The following NT5DC1 variants were observed in gnomAD, a reference collection of about 807,000 sequenced individuals.
The protein encoded by NT5DC1 is 5'-nucleotidase domain-containing protein 1.
Under a neutral mutation model 59.4 loss-of-function variants are expected in NT5DC1, and 42 were observed. The ratio of observed to expected loss-of-function variants is 0.71; its 90% confidence interval spans 0.55 to 0.92. The LOEUF is 0.92. Among genes scored for constraint, NT5DC1 ranks in the 40% least tolerant of loss-of-function variants. The pLI is 0.00. For missense variants in NT5DC1, 501 were observed against 537.1 expected (o/e 0.93, Z 0.66); for synonymous variants, 172 against 188.1 (o/e 0.91, Z 0.70).
intron 11 of NT5DC1, among the ~76,000 whole-genome samples, chr6:116,243,416 TTG>T (rs1771775298): frequency 6.6e-6 from 1 of 152,004 alleles, no homozygotes; most frequent in Admixed American, 6.5e-5. Context: ...TAAATGTGAT[TTG>T]ACTTAAACAT....
intron 6 of NT5DC1, among the ~76,000 whole-genome samples, chr6:116,149,155 C>G (rs1452223616): frequency 1.3e-5 from 2 of 152,074 alleles, no homozygotes; most frequent in Non-Finnish European, 2.9e-5. Flanking sequence ...CCTGGCAGGA[C>G]ATTTTGGAGT....
intron 6 of NT5DC1, among the ~76,000 whole-genome samples, chr6:116,140,322 C>CA (rs1463460561): frequency 6.6e-6 from 1 of 152,142 alleles, no homozygotes; most frequent in Non-Finnish European, 1.5e-5. Context: ...TATACTTTCT[C>CA]AGAGTGGGAG....
intron 4 of NT5DC1, among the ~76,000 whole-genome samples, chr6:116,114,400 A>G (rs1778927484): frequency 6.6e-6 from 1 of 151,878 alleles, no homozygotes; most frequent in South Asian, 2.1e-4. Context: ...CTATTTGCTT[A>G]TTGGATTACT....
Position 116,246,181 on chromosome 6 carries a change from A to G in NT5DC1, c.*2157A>G, listed in dbSNP as rs1291252738. On this transcript the variant is annotated 3_prime_UTR_variant, in exon 12 of 12. Coordinates refer to ENST00000319550, the MANE Select transcript of NT5DC1 (RefSeq NM_152729.3). ...TATAAATGGACAGAAGACATGTAAT[A>G]TTCGCATACAGGCAAACATTCATAA... The G allele has an allele frequency of 6.6e-6, 1 of 152,176 alleles. No individual in the cohort carries two copies. The highest frequency in any genetic ancestry group is 1.5e-5 in the Non-Finnish European group (1 of 67,982). The allele number at this position is 152,176 out of a possible 1,614,324, so 9.4% of individuals were successfully genotyped here. A position where few individuals can be genotyped will look rare whatever the true frequency, so the allele number is the denominator to read the frequency against.
intron 6 of NT5DC1, among the ~76,000 whole-genome samples, chr6:116,190,283 T>C (rs1781088596): frequency 6.6e-6 from 1 of 152,048 alleles, no homozygotes; most frequent in Non-Finnish European, 1.5e-5. Context: ...CTTTTATCAA[T>C]ATATGAAATA....
Position 116,117,645 on chromosome 6 carries a change from ATACTG to A in NT5DC1, c.445-210_445-206del, listed in dbSNP as rs1186422215. Among the ~76,000 whole-genome samples, 20 of 152,330 alleles carry A rather than the reference ATACTG, an allele frequency of 1.3e-4. No homozygotes were observed. The East Asian group carries it at 3.5e-3, about 26-fold the overall frequency. ...TTGAATAGCTCATGTAATTTATTGAATACTGTACTGAAAGTGAAAAACAATTGTTG... is the reference window on the plus strand; with the variant it reads ...TTGAATAGCTCATGTAATTTATTGAATACTGAAAGTGAAAAACAATTGTTG... On this transcript the variant is annotated intron_variant, in intron 5 of 11. Coordinates refer to ENST00000319550, the MANE Select transcript of NT5DC1 (RefSeq NM_152729.3).
Position 116,249,193 on chromosome 6 carries a change from C to T in NT5DC1, c.*5169C>T, listed in dbSNP as rs1771901222. On this transcript the variant is annotated 3_prime_UTR_variant, in exon 12 of 12. Coordinates refer to ENST00000319550, the MANE Select transcript of NT5DC1 (RefSeq NM_152729.3). ...ACCTAGCTCTCTAATACTTAAAGTT[C>T]TCTAGCCCTAGAAAAAAATACCTCA... The T allele has an allele frequency of 6.6e-6, 1 of 152,104 alleles. No homozygotes were observed. Among genetic ancestry groups the T allele is most frequent in the African/African-American group, 2.4e-5 (1 of 41,422 alleles). 9.4% of individuals were successfully genotyped at this position (152,104 alleles called of 1,614,324 possible).
Position 116,246,148 on chromosome 6 carries a change from A to C in NT5DC1, c.*2124A>C, listed in dbSNP as rs1771842754. ...ATATTAAAGAAGTTATATGAAGCAA[A>C]AAAATTGTATAAATGGACAGAAGAC... On this transcript the variant is annotated 3_prime_UTR_variant, in exon 12 of 12. Coordinates refer to ENST00000319550, the MANE Select transcript of NT5DC1 (RefSeq NM_152729.3). The C allele has an allele frequency of 2.0e-5, 3 of 152,196 alleles. No homozygotes were observed. Among genetic ancestry groups the C allele is most frequent in the African/African-American group, 7.2e-5 (3 of 41,476 alleles). 9.4% of individuals were successfully genotyped at this position (152,196 alleles called of 1,614,324 possible).
At chr6:116,194,250 G>A (rs554922280) in intron 6 of NT5DC1, among the ~76,000 whole-genome samples, 1 of 152,138 alleles carries the variant, frequency 6.6e-6, no homozygotes, top group South Asian at 2.1e-4. Context: ...TCTTTCAAAT[G>A]ACGGAGTTTA....
intron 6 of NT5DC1, among the ~76,000 whole-genome samples, chr6:116,197,429 G>A (rs1391959404): frequency 1.3e-5 from 2 of 152,016 alleles, no homozygotes; most frequent in African/African-American, 4.8e-5. Context: ...ATCATTGGAA[G>A]ATACTGGGAA....
intron 6 of NT5DC1, among the ~76,000 whole-genome samples, chr6:116,172,259 A>G (rs1340788935): frequency 1.3e-5 from 2 of 151,466 alleles, no homozygotes; most frequent in African/African-American, 4.8e-5. Flanking sequence ...GTTATATTAG[A>G]TAAGTATATT....
chr6:116,193,869 G>A (rs1050586955), intron 6 of NT5DC1, among the ~76,000 whole-genome samples: 4 of 151,888 alleles, frequency 2.6e-5, no homozygotes, highest in Admixed American at 2.6e-4. Context: ...CCAGTTGTTC[G>A]AAACCAGCCT....
Position 116,246,676 on chromosome 6 carries a change from CTCT to C in NT5DC1, c.*2654_*2656del, listed in dbSNP as rs2114571354. 6.6e-6 allele frequency: 1 copy of C among 152,254 alleles called. No homozygotes were observed. The highest frequency in any genetic ancestry group is 2.4e-5 in the African/African-American group (1 of 41,568). The allele number at this position is 152,254 out of a possible 1,614,324, so 9.4% of individuals were successfully genotyped here. A position where few individuals can be genotyped will look rare whatever the true frequency, so the allele number is the denominator to read the frequency against. ...TAACAGTCCCTTACATCTTTTCAGC[CTCT>C]TGAGTACAAGAAGACTATCATAAGA... On this transcript the variant is annotated 3_prime_UTR_variant, in exon 12 of 12. Coordinates refer to ENST00000319550, the MANE Select transcript of NT5DC1 (RefSeq NM_152729.3).
chr6:116,206,283 T>G (rs1781447424), intron 6 of NT5DC1, among the ~76,000 whole-genome samples: 2 of 151,962 alleles, frequency 1.3e-5, no homozygotes, highest in Non-Finnish European at 2.9e-5. Context: ...AACACAAAAT[T>G]TTTACTATGT....
intron 6 of NT5DC1, among the ~76,000 whole-genome samples, chr6:116,161,108 G>A (rs891340864): frequency 6.0e-5 from 9 of 149,100 alleles, no homozygotes; most frequent in African/African-American, 7.4e-5. Context: ...ACCAAACACC[G>A]CATGTTCTCA....
At chr6:116,147,470 A>T (rs961630162) in intron 6 of NT5DC1, among the ~76,000 whole-genome samples, 1 of 152,032 alleles carries the variant, frequency 6.6e-6, no homozygotes, top group Non-Finnish European at 1.5e-5. Context: ...AAAAAGATAA[A>T]TGACAAACTG....
chr6:116,218,868 G>A (rs1781738610), intron 6 of NT5DC1, among the ~76,000 whole-genome samples: 1 of 152,274 alleles, frequency 6.6e-6, no homozygotes, highest in Admixed American at 6.5e-5. Context: ...GATGCTTTAA[G>A]TTGCAAATAA....
chr6:116,201,309 A>G (rs747426754), intron 6 of NT5DC1, among the ~76,000 whole-genome samples: 5 of 152,034 alleles, frequency 3.3e-5, no homozygotes, highest in Non-Finnish European at 5.9e-5. Flanking sequence ...CATTCCCACC[A>G]CCTTTATTTC....
At chr6:116,243,469 C>CT (rs1771778763) in intron 11 of NT5DC1, among the ~76,000 whole-genome samples, 1 of 152,110 alleles carries the variant, frequency 6.6e-6, no homozygotes, top group African/African-American at 2.4e-5. Flanking sequence ...ACTCTTCATC[C>CT]TAAGTGACCT....
Sources: gnomAD v4.1 joint callset for allele counts (sites outside exome capture counted in the v4.1 genomes callset) on GRCh38, gnomAD v4.1.1 for gene constraint, MANE v1.5 for transcripts, NCBI Gene and HGNC (gene_info 2026-07-23, HGNC 2026-07-21) for gene names.